The following GYG1 variants were observed in gnomAD, a reference collection of about 807,000 sequenced individuals.
GYG1 encodes the protein glycogenin-1.
Under a neutral mutation model 41.9 loss-of-function variants are expected in GYG1, and 44 were observed. The ratio of observed to expected loss-of-function variants is 1.05; its 90% CI spans 0.83 to 1.35. The LOEUF (loss-of-function observed/expected upper bound fraction) is 1.35. GYG1 is among the 40% of genes most tolerant of loss of function. GYG1 has a pLI of 0.00. For missense variants in GYG1, 429 were observed against 418.9 expected (o/e 1.02, Z -0.21); for synonymous variants, 141 against 158.1 (o/e 0.89, Z 0.81).
In GYG1 at chr3:149,026,522, T is replaced by A; in HGVS notation, c.879+20T>A. 1 of 1,505,004 alleles carries A rather than the reference T, an allele frequency of 6.6e-7. No individual in the cohort carries two copies. The highest frequency in any genetic ancestry group is 2.3e-5 in the East Asian group (1 of 44,358). 93.2% of individuals were successfully genotyped at this position (1,505,004 alleles called of 1,614,324 possible). ...AGAAAGGTATGCAGAACTTAAAGATTAACCCTAATTACTTTGTTCTCCCAA... is the reference window on the plus strand; with the variant it reads ...AGAAAGGTATGCAGAACTTAAAGATAAACCCTAATTACTTTGTTCTCCCAA... On this transcript the variant is annotated intron_variant, in intron 7 of 7. Transcript: ENST00000345003.
At chr3:148,994,053 G>A (rs997708624) in intron 1 of GYG1, 89 bp from the exon 2 acceptor site, 2 of 1,183,304 alleles carry the variant, frequency 1.7e-6, no homozygotes, top group South Asian at 2.5e-5. Context: ...AACTGGTTTT[G>A]CTGAATTACT....
In GYG1 at chr3:149,009,799, G is replaced by A. The variant is rs1713616979; in HGVS notation, c.608+397G>A. On this transcript the variant is annotated intron_variant, in intron 5 of 7. Transcript: ENST00000345003. ...TGGTTTCCTTCACCTGCAAAAAGGT[G>A]TTAAAAGCTCCCTCATAATTGTTGT... 1.3e-5 allele frequency among the ~76,000 whole-genome samples: 2 copies of A among 152,216 alleles called. 1 individual carries two copies. The highest frequency in any genetic ancestry group is 1.3e-4 in the Admixed American group (2 of 15,284).
At chr3:148,996,651 C>T in intron 3 of GYG1, 91 bp from the exon 4 acceptor site, 2 of 1,332,952 alleles carry the variant, frequency 1.5e-6, no homozygotes, top group Non-Finnish European at 2.2e-6. Flanking sequence ...CAGCTGTCAC[C>T]ATCTTTTGTG....
At chr3:149,025,503 G>A (rs1714605065) in intron 6 of GYG1, among the ~76,000 whole-genome samples, 1 of 152,132 alleles carries the variant, frequency 6.6e-6, no homozygotes, top group South Asian at 2.1e-4. Context: ...TACAGTACTT[G>A]AAACCACCTG....
intron 5 of GYG1, among the ~76,000 whole-genome samples, chr3:149,021,581 A>G (rs1480869619): frequency 2.0e-5 from 3 of 152,276 alleles, no homozygotes; most frequent in Admixed American, 6.5e-5. Context: ...AACCATGTCA[A>G]ACCCCATCTC....
chr3:149,003,479 C>T (rs890203548), intron 4 of GYG1, among the ~76,000 whole-genome samples: 4 of 152,002 alleles, frequency 2.6e-5, no homozygotes, highest in African/African-American at 9.7e-5. Context: ...AGAGTTGGAA[C>T]CTATCTGAAT....
At chr3:149,011,292 C>A (rs1333449881) in intron 5 of GYG1, among the ~76,000 whole-genome samples, 1 of 152,208 alleles carries the variant, frequency 6.6e-6, no homozygotes, top group Non-Finnish European at 1.5e-5. Context: ...TATAACCCTG[C>A]TAGTCTGAAT....
chr3:149,005,823 G>A (rs1713371032), intron 4 of GYG1, among the ~76,000 whole-genome samples: 1 of 152,118 alleles, frequency 6.6e-6, no homozygotes, highest in Admixed American at 6.5e-5. Flanking sequence ...TCCCACATAT[G>A]CTTCATCTGT....
rs747647995 is a variant in GYG1 at position 149,009,275 on chromosome 3, G to T, written c.482-1G>T. On this transcript the variant is annotated splice_acceptor_variant, in intron 4 of 7. Transcript: ENST00000345003. LOFTEE classifies it high-confidence loss of function. ...CTAATTTATATATTTTTTTCTTTTA[G>T]GTGGGGACCAAGGCATACTGAACAC... The T allele has an allele frequency of 6.2e-7, 1 of 1,609,640 alleles. No homozygotes were observed.
intron 5 of GYG1, among the ~76,000 whole-genome samples, 158 bp from the exon 6 acceptor site, chr3:149,023,895 T>C (rs1576555000): frequency 6.6e-6 from 1 of 152,140 alleles, no homozygotes; most frequent in Non-Finnish European, 1.5e-5. Flanking sequence ...AGTTAGAGGC[T>C]GTAGTGAACT....
In GYG1 at chr3:148,996,330, GTC is replaced by G; in HGVS notation, c.173_174del (p.Val58AspfsTer54). 1 of 1,611,696 alleles carries G rather than the reference GTC, an allele frequency of 6.2e-7. No homozygotes were observed. The highest frequency in any genetic ancestry group is 8.5e-7 in the Non-Finnish European group (1 of 1,179,348). ...AGTTTTAGAGACAGTCTTTGATGAAGTCATCATGGTAGATGTCTTGGACAGTG... is the reference window on the plus strand; with the variant it reads ...AGTTTTAGAGACAGTCTTTGATGAAGATCATGGTAGATGTCTTGGACAGTG... Reference protein sequence around the residue: ...RKVLETVFDEVIMVDVLDSGD... With the variant: ...RKVLETVFDEXIMVDVLDSGD... On this transcript the variant is annotated frameshift_variant, in exon 3 of 8. Transcript: ENST00000345003. LOFTEE classifies it high-confidence loss of function.
intron 4 of GYG1, among the ~76,000 whole-genome samples, chr3:149,008,468 C>T (rs918990272): frequency 3.3e-5 from 5 of 152,198 alleles, no homozygotes; most frequent in East Asian, 1.9e-4. Context: ...GCCTGGGACA[C>T]GGTCCCCCGT....
intron 5 of GYG1, among the ~76,000 whole-genome samples, chr3:149,015,886 G>A (rs559627284): frequency 9.7e-4 from 147 of 152,274 alleles, no homozygotes; most frequent in African/African-American, 3.3e-3. Flanking sequence ...GCAGAAAACT[G>A]TGGGGAGATG....
In GYG1 at chr3:149,029,724, A is replaced by T. The variant is rs994061767; in HGVS notation, c.*2791A>T. ...CCCCAAAACAAAGCACACACTGCCG[A>T]AGATCATTAGTACTCACTGGTAACA... On this transcript the variant is annotated 3_prime_UTR_variant, in exon 8 of 8. Transcript: ENST00000345003. Among the ~76,000 whole-genome samples, 1 of 152,236 alleles carries T rather than the reference A, an allele frequency of 6.6e-6. No individual in the cohort carries two copies. Among genetic ancestry groups the T allele is most frequent in the African/African-American group, 2.4e-5 (1 of 41,458 alleles).
intron 5 of GYG1, among the ~76,000 whole-genome samples, chr3:149,015,626 G>C (rs548585924): frequency 1.1e-4 from 16 of 152,166 alleles, no homozygotes; most frequent in Admixed American, 2.6e-4. Flanking sequence ...GGAGGTTCCT[G>C]GTGACTTTGG....
At chr3:148,991,671 G>A (rs1235327847) in intron 1 of GYG1, 24 bp downstream of exon 1, 26 of 1,512,670 alleles carry the variant, frequency 1.7e-5, no homozygotes, top group Non-Finnish European at 2.2e-5. Context: ...GCCCGCCGCC[G>A]CCAGCCCCGG....
chr3:149,000,063 A>G (rs1713007272), intron 4 of GYG1, among the ~76,000 whole-genome samples: 1 of 152,202 alleles, frequency 6.6e-6, no homozygotes, highest in Non-Finnish European at 1.5e-5. Flanking sequence ...TTCTCATGCA[A>G]AAGAATGTGG....
intron 4 of GYG1, among the ~76,000 whole-genome samples, chr3:149,005,439 G>C (rs887489800): frequency 1.3e-5 from 2 of 152,072 alleles, no homozygotes; most frequent in African/African-American, 4.8e-5. Context: ...AATGTATGTA[G>C]CTGTATATAT....
chr3:149,007,279 G>A (rs73011307), intron 4 of GYG1, among the ~76,000 whole-genome samples: 4,271 of 152,310 alleles, frequency 0.028, 217 homozygotes, highest in African/African-American at 0.098. Context: ...CAACTTTGGG[G>A]TTAGGATTTC....
Sources: allele counts gnomAD v4.1 joint callset (sites outside exome capture counted in the v4.1 genomes callset), GRCh38; gene constraint gnomAD v4.1.1; transcripts MANE v1.5; gene names NCBI Gene and HGNC (gene_info 2026-07-23, HGNC 2026-07-21).